CTRB2: variants seen among roughly 807,000 people sequenced by gnomAD.
CTRB2 encodes the protein chymotrypsin B2.
Under a neutral mutation model 19.3 loss-of-function variants are expected in CTRB2, and 9 were observed. That is an observed-to-expected ratio of 0.47 (90% CI 0.28 to 0.81). The LOEUF (loss-of-function observed/expected upper bound fraction) is 0.81. Ranked by LOEUF, CTRB2 falls within the 40% of genes least tolerant of loss-of-function variation. The probability of loss-of-function intolerance (pLI) is 0.11; values close to 1 mark genes in which losing one functional copy is unlikely to be tolerated. For missense variants in CTRB2, 210 were observed against 269.7 expected (o/e 0.78, Z 1.55); for synonymous variants, 98 against 117.3 (o/e 0.84, Z 1.06).
Position 75,206,423 on chromosome 16 carries a change from C to T in CTRB2, c.53-230G>A. The T allele has an allele frequency of 1.2e-5, 7 of 581,336 alleles. 1 individual carries two copies. The highest frequency in any genetic ancestry group is 4.7e-5 in the South Asian group (2 of 42,428). 36.0% of individuals were successfully genotyped at this position (581,336 alleles called of 1,614,324 possible). ...GCTGAGGAATGGGGTGTTGGCCCCA[C>T]CTCAGTTCGGAGAAGTCACACAGGT... is the stretch of plus-strand genomic sequence containing the variant. On this transcript the variant is annotated intron_variant, in intron 1 of 6. Coordinates refer to ENST00000303037, the MANE Select transcript of CTRB2 (RefSeq NM_001025200.4).
rs1249052741 is a variant in CTRB2, at chr16:75,204,874, C to A, written c.529G>T (p.Ala177Ser). The A allele has an allele frequency of 2.5e-6, 3 of 1,185,954 alleles. 1 individual carries two copies. In the East Asian group the frequency reaches 7.9e-5, roughly 31 times the overall value. 73.5% of individuals were successfully genotyped at this position (1,185,954 alleles called of 1,614,324 possible). The stretch of plus-strand genomic sequence containing the variant: ...TCGGCATTGGACAGGAGGGGCAGGG[C>A]TGCCTGCTGCAGCTTGTCAGGGGTC... ...NKTPDKLQQA[A>S]LPLLSNAECK... The change falls in exon 6 of 7, where the codon GCC becomes TCC. Residue 177 changes from alanine to serine, a missense_variant. Physicochemically the swap from Ala to Ser is moderately conservative, Grantham distance 99. Around this residue, in one of 4 missense-constraint regions of CTRB2, gnomAD observed 27 missense variants for 42.5 expected, o/e 0.64. Transcript: ENST00000303037.
intron 6 of CTRB2, among the ~76,000 whole-genome samples, 192 bp downstream of exon 6, chr16:75,204,581 G>A (rs932342298): frequency 3.3e-5 from 5 of 152,172 alleles, no homozygotes; most frequent in Non-Finnish European, 5.9e-5. Context: ...AGGGCTGCAA[G>A]GAAGTCCCCA....
chr16:75,204,535 C>T (rs1039656913), intron 6 of CTRB2, among the ~76,000 whole-genome samples: 18 of 152,072 alleles, frequency 1.2e-4, no homozygotes, highest in African/African-American at 1.7e-4. Flanking sequence ...CTCTCTAAGC[C>T]GGGGCACCAT....
At chr16:75,206,317 T>G in intron 1 of CTRB2, 124 bp from the exon 2 acceptor site, 1 of 1,064,322 alleles carries the variant, frequency 9.4e-7, no homozygotes, top group Non-Finnish European at 1.3e-6. Context: ...TCCCCTTCTC[T>G]GAGAAGTTGG....
At chr16:75,206,981 C>A in intron 1 of CTRB2, 109 bp downstream of exon 1, 3 of 1,074,828 alleles carry the variant, frequency 2.8e-6, no homozygotes, top group East Asian at 2.6e-5. Context: ...CAGGCCCACA[C>A]TGCGGTGCAC....
In CTRB2 at chr16:75,204,789, C is replaced by T. The variant is rs2038874775; in HGVS notation, c.614G>A (p.Gly205Asp). The T allele has an allele frequency of 7.0e-7, 1 of 1,424,972 alleles. No individual in the cohort carries two copies. The allele number at this position is 1,424,972 out of a possible 1,614,324, so 88.3% of individuals were successfully genotyped here. ...TDVMICAGASGVSSCMGDSGG... is the reference protein window; with the variant it reads ...TDVMICAGASDVSSCMGDSGG... ...CAGCCTCACCATGCAGGAGGAGACG[C>T]CACTGGCCCCGGCACAGATCATCAC... Residue 205 changes from glycine (G) to aspartate (D), a missense_variant, in exon 6 of 7, where the codon GGC (glycine) becomes GAC (aspartate). Physicochemically the swap from Gly to Asp is moderately conservative, Grantham distance 94. This residue lies in a region of CTRB2 where 120 missense variants were observed against 90.8 expected (regional missense o/e 1.32). Transcript: ENST00000303037.
At position 75,204,259 on chromosome 16, in the gene CTRB2, A is replaced by G. The variant is rs964831894; in HGVS notation, c.694T>C (p.Ser232Pro). The change falls in exon 7 of 7, where the codon TCC (serine) becomes CCC (proline). Residue 232 changes from serine to proline, a missense_variant. Ser to Pro is a moderately conservative substitution (Grantham distance 74). Around this residue, in one of 4 missense-constraint regions of CTRB2, gnomAD observed 120 missense variants for 90.8 expected, o/e 1.32. Coordinates refer to ENST00000303037, the MANE Select transcript of CTRB2 (RefSeq NM_001025200.4). ...GTAGAGCAGGTGCGGCTGCCCCAGG[A>G]CACAATGCCCACCAGGGTCCAGGCT... ...DGAWTLVGIV[S>P]WGSRTCSTTT... 4.3e-5 allele frequency: 70 copies of G among 1,613,962 alleles called. No individual in the cohort carries two copies. The highest frequency in any genetic ancestry group is 5.8e-5 in the Non-Finnish European group (68 of 1,180,004).
rs940035325 is a variant in CTRB2, at chr16:75,206,172, T to C, written c.74A>G (p.His25Arg). Reference sequence around the variant, plus strand: ...CCTGGACAGGCCGCTGAGCACAGGGTGGATGGCGGGGACCCCGCAGCCTGG... The same window carrying C: ...CCTGGACAGGCCGCTGAGCACAGGGCGGATGGCGGGGACCCCGCAGCCTGG... ...TTFGCGVPAI[H>R]PVLSGLSRIV... Residue 25 changes from histidine (H) to arginine (R), a missense_variant, in exon 2 of 7, where the codon CAC becomes CGC. Around this residue, in one of 4 missense-constraint regions of CTRB2, gnomAD observed 57 missense variants for 72.6 expected, o/e 0.79. Coordinates refer to ENST00000303037, the MANE Select transcript of CTRB2 (RefSeq NM_001025200.4). The C allele has an allele frequency of 1.9e-6, 3 of 1,554,806 alleles. No individual in the cohort carries two copies. Among genetic ancestry groups the C allele is most frequent in the African/African-American group, 2.7e-5 (2 of 73,326 alleles).
intron 1 of CTRB2, 25 bp downstream of exon 1, chr16:75,207,065 G>A (rs370152628): frequency 9.0e-6 from 14 of 1,550,126 alleles, no homozygotes; most frequent in Middle Eastern, 1.7e-4. Context: ...AAAACCCTTC[G>A]GCCTCCGCAG....
chr16:75,206,051 C>G, intron 2 of CTRB2, 39 bp downstream of exon 2: 1 of 1,379,894 alleles, frequency 7.2e-7, no homozygotes, highest in African/African-American at 1.5e-5. Context: ...CAGCCTGGCC[C>G]CTACCCAGGG....
chr16:75,207,085 C>A lies in CTRB2; in HGVS notation c.52+5G>T. Reference sequence around the variant, plus strand: ...CCTTCGGCCTCCGCAGGGCCTGGCACTCACCGAAGGTGGTACCCAGGAGGG... The same window carrying A: ...CCTTCGGCCTCCGCAGGGCCTGGCAATCACCGAAGGTGGTACCCAGGAGGG... On this transcript the variant is annotated splice_donor_5th_base_variant and intron_variant, in intron 1 of 6. Transcript: ENST00000303037. The A allele has an allele frequency of 6.4e-7, 1 of 1,554,186 alleles. No homozygotes were observed. Among genetic ancestry groups the A allele is most frequent in the Non-Finnish European group, 8.7e-7 (1 of 1,148,072 alleles).
In CTRB2 at chr16:75,206,986, G is replaced by A. The variant is rs1038597492; in HGVS notation, c.52+104C>T. Reference sequence around the variant, plus strand: ...GTGACTCGCCCAGGCCCACACTGCGGTGCACAGCTGAACTGGGAGCTGGGA... The same window carrying A: ...GTGACTCGCCCAGGCCCACACTGCGATGCACAGCTGAACTGGGAGCTGGGA... On this transcript the variant is annotated intron_variant, in intron 1 of 6. Coordinates refer to ENST00000303037, the MANE Select transcript of CTRB2 (RefSeq NM_001025200.4). The A allele has an allele frequency of 1.4e-5, 16 of 1,131,816 alleles. No homozygotes were observed. The Admixed American group carries it at 3.0e-4, about 21-fold the overall frequency. The allele number at this position is 1,131,816 out of a possible 1,614,324, so 70.1% of individuals were successfully genotyped here. A position where few individuals can be genotyped will look rare whatever the true frequency, so the allele number is the denominator to read the frequency against.
chr16:75,206,095 G>A lies in CTRB2; in HGVS notation c.151C>T (p.Leu51=), dbSNP rs1420803410. The A allele has an allele frequency of 6.6e-7, 1 of 1,519,562 alleles. No homozygotes were observed. Among genetic ancestry groups the A allele is most frequent in the Non-Finnish European group, 8.9e-7 (1 of 1,125,902 alleles). The allele number at this position is 1,519,562 out of a possible 1,614,324, so 94.1% of individuals were successfully genotyped here. A position where few individuals can be genotyped will look rare whatever the true frequency, so the allele number is the denominator to read the frequency against. The part of the protein sequence containing the change: ...VPGSWPWQVS[L]QDKTGFHFCG... ...ACCTTGCAGAACCCCCTCACCTGCA[G>A]GGACACCTGCCAGGGCCAGGAGCCG... The change falls in exon 2 of 7, where the codon CTG becomes TTG. Residue 51 remains leucine (L), a synonymous_variant. Coordinates refer to ENST00000303037, the MANE Select transcript of CTRB2 (RefSeq NM_001025200.4).
chr16:75,204,704 G>T (rs754305166), intron 6 of CTRB2, 69 bp downstream of exon 6: 72 of 1,541,668 alleles, frequency 4.7e-5, no homozygotes, highest in African/African-American at 8.2e-5. Context: ...AGAGCAGAGA[G>T]GGGTGGAAAG....
intron 1 of CTRB2, chr16:75,206,779 C>T (rs2038898953): frequency 2.3e-6 from 1 of 435,262 alleles, no homozygotes; most frequent in Non-Finnish European, 4.3e-6. Flanking sequence ...TGGGGGTTTC[C>T]CGAAGGCCTC....
intron 6 of CTRB2, 76 bp downstream of exon 6, chr16:75,204,697 G>A (rs766382622): frequency 1.5e-5 from 23 of 1,544,410 alleles, no homozygotes; most frequent in Non-Finnish European, 1.6e-5. Flanking sequence ...GTAGATGAGA[G>A]CAGAGAGGGG....
chr16:75,205,009 G>A, intron 5 of CTRB2, 103 bp from the exon 6 acceptor site: 4 of 387,474 alleles, frequency 1.0e-5, no homozygotes, highest in Admixed American at 5.7e-5. Context: ...CCATCACCAC[G>A]ATGTTGGGTA....
intron 1 of CTRB2, chr16:75,206,815 C>T (rs2038899777): frequency 2.1e-6 from 1 of 485,998 alleles, no homozygotes; most frequent in East Asian, 3.8e-5. Flanking sequence ...CACCTGCCTC[C>T]TCCCCCCGCC....
chr16:75,204,650 C>T, intron 6 of CTRB2, 123 bp downstream of exon 6: 2 of 1,530,950 alleles, frequency 1.3e-6, no homozygotes, highest in Non-Finnish European at 1.8e-6. Flanking sequence ...GACCCCAAGG[C>T]CTGGCCCTCA....
Sources: gnomAD v4.1 joint callset for allele counts (sites outside exome capture counted in the v4.1 genomes callset) on GRCh38, gnomAD v4.1.1 for gene constraint, gnomAD v4.1.1 regional missense constraint, MANE v1.5 for transcripts, NCBI Gene and HGNC (gene_info 2026-07-23, HGNC 2026-07-21) for gene names.